The following POMP variants were observed in gnomAD, a reference collection of about 807,000 sequenced individuals.
POMP encodes proteasome maturation protein.
In POMP, 12 loss-of-function variants were observed where a neutral mutation model predicts 20.6. That is an observed-to-expected ratio of 0.58 (90% confidence interval 0.37 to 0.94). The LOEUF (loss-of-function observed/expected upper bound fraction) is 0.94. Ranked by LOEUF, POMP falls within the 40% of genes least tolerant of loss-of-function variation. The probability of loss-of-function intolerance (pLI) is 0.01; values close to 1 mark genes in which losing one functional copy is unlikely to be tolerated. For synonymous variants in POMP, 53 were observed against 55.0 expected (o/e 0.96, Z 0.16); for missense variants, 136 against 161.1 (o/e 0.84, Z 0.84).
chr13:28,665,270 A>G (rs552905243), intron 3 of POMP, among the ~76,000 whole-genome samples: 7 of 152,242 alleles, frequency 4.6e-5, no homozygotes, highest in Non-Finnish European at 1.0e-4. Flanking sequence ...CTTGGGGAAG[A>G]TGATGCAGTT....
rs1459908993 is a variant in POMP at position 28,678,638 on chromosome 13, G to T, written c.*536G>T. The T allele has an allele frequency of 6.5e-6, 1 of 153,438 alleles. No individual in the cohort carries two copies. The highest frequency in any genetic ancestry group is 1.9e-4 in the East Asian group (1 of 5,230). The allele number at this position is 153,438 out of a possible 1,614,324, so 9.5% of individuals were successfully genotyped here. On this transcript the variant is annotated 3_prime_UTR_variant, in exon 6 of 6. Coordinates refer to ENST00000380842, the MANE Select transcript of POMP (RefSeq NM_015932.6). ...GATTATTTCAGGTTGAAAAGTAGAA[G>T]TTCCAAGGTTTTGATTTTGGTCTGG...
intron 2 of POMP, 31 bp from the exon 3 acceptor site, chr13:28,664,478 T>C: frequency 6.9e-7 from 1 of 1,449,308 alleles, no homozygotes; most frequent in South Asian, 1.2e-5. Flanking sequence ...TTTAATCTCC[T>C]CTAAATGTTT....
chr13:28,659,171 C>A lies in POMP; in HGVS notation c.-14C>A, dbSNP rs376702047. ...GGTAACGGGGCAGAGAGGCTGTTCG[C>A]AGAGCTGCGGAAGATGGTGAGTGGG... On this transcript the variant is annotated 5_prime_UTR_variant, in exon 1 of 6. Transcript: ENST00000380842. 26 of 1,586,290 alleles carry A rather than the reference C, an allele frequency of 1.6e-5. No individual in the cohort carries two copies. In the African/African-American group the frequency reaches 3.5e-4, roughly 21 times the overall value.
rs775357986 is a variant in POMP at position 28,668,454 on chromosome 13, A to G, written c.163-19A>G. ...CAGAGTATTGAGTGTAATGTTTAAA[A>G]TTACATTGTCTTTTGTAGTTCCAGC... is the stretch of plus-strand genomic sequence containing the variant. On this transcript the variant is annotated intron_variant, in intron 3 of 5. Transcript: ENST00000380842. 1.3e-6 allele frequency: 2 copies of G among 1,545,672 alleles called. No individual in the cohort carries two copies. Among genetic ancestry groups the G allele is most frequent in the South Asian group, 1.1e-5 (1 of 89,700 alleles).
chr13:28,678,158 C>A lies in POMP; in HGVS notation c.*56C>A. ...CATCTTGTTTATAGTCATCTTTGTA[C>A]TGTAATTTGATGTACACAACATTAA... On this transcript the variant is annotated 3_prime_UTR_variant, in exon 6 of 6. Transcript: ENST00000380842. 5 of 1,505,616 alleles carry A rather than the reference C, an allele frequency of 3.3e-6. No homozygotes were observed. In the South Asian group the frequency reaches 4.5e-5, roughly 14 times the overall value. 93.3% of individuals were successfully genotyped at this position (1,505,616 alleles called of 1,614,324 possible). A position where few individuals can be genotyped will look rare whatever the true frequency, so the allele number is the denominator to read the frequency against.
At position 28,678,142 on chromosome 13, in the gene POMP, T is replaced by A. The variant is rs1373873446; in HGVS notation, c.*40T>A. 6 of 1,558,682 alleles carry A rather than the reference T, an allele frequency of 3.8e-6. No individual in the cohort carries two copies. The highest frequency in any genetic ancestry group is 5.3e-6 in the Non-Finnish European group (6 of 1,129,830). On this transcript the variant is annotated 3_prime_UTR_variant, in exon 6 of 6. Transcript: ENST00000380842. ...TGGAAACCGAGGGCTGCATCTTGTT[T>A]ATAGTCATCTTTGTACTGTAATTTG...
chr13:28,662,606 G>C, intron 2 of POMP, 99 bp downstream of exon 2: 1 of 1,006,910 alleles, frequency 9.9e-7, no homozygotes, highest in Non-Finnish European at 1.6e-6. Context: ...TATTTAGTTG[G>C]CAGATGGCAA....
At chr13:28,674,901 T>C (rs1440584004) in intron 5 of POMP, among the ~76,000 whole-genome samples, 1 of 151,602 alleles carries the variant, frequency 6.6e-6, no homozygotes, top group Non-Finnish European at 1.5e-5. Flanking sequence ...TAATTGGGCA[T>C]AGTGGTGTGC....
At chr13:28,672,300 G>GT (rs768027909) in intron 4 of POMP, 39 bp from the exon 5 acceptor site, 1 of 1,465,246 alleles carries the variant, frequency 6.8e-7, no homozygotes, top group African/African-American at 1.4e-5. Context: ...TTTCCCCTGA[G>GT]TTTTTTCTAA....
chr13:28,660,432 C>G (rs1884312340), intron 1 of POMP, among the ~76,000 whole-genome samples: 1 of 152,178 alleles, frequency 6.6e-6, no homozygotes, highest in Admixed American at 6.5e-5. Context: ...CGACTGTAGG[C>G]TAGTGTAAGT....
At chr13:28,675,536 G>A (rs1457354477) in intron 5 of POMP, among the ~76,000 whole-genome samples, 1 of 152,060 alleles carries the variant, frequency 6.6e-6, no homozygotes, top group Non-Finnish European at 1.5e-5. Context: ...CATAATATAC[G>A]GTTAACTTAG....
rs550484205 is a variant in POMP at position 28,659,152 on chromosome 13, G to C, written c.-33G>C. 10 of 1,579,126 alleles carry C rather than the reference G, an allele frequency of 6.3e-6. No individual in the cohort carries two copies. In the East Asian group the frequency reaches 1.4e-4, roughly 22 times the overall value. On this transcript the variant is annotated 5_prime_UTR_variant, in exon 1 of 6. Transcript: ENST00000380842. ...AGCGGCGGGGTCGACTGACGGTAAC[G>C]GGGCAGAGAGGCTGTTCGCAGAGCT...
rs903600240 is a variant in POMP, at chr13:28,678,461, A to G, written c.*359A>G. 1 of 239,116 alleles carries G rather than the reference A, an allele frequency of 4.2e-6. No homozygotes were observed. The highest frequency in any genetic ancestry group is 5.3e-5 in the South Asian group (1 of 18,692). 14.8% of individuals were successfully genotyped at this position (239,116 alleles called of 1,614,324 possible). A position where few individuals can be genotyped will look rare whatever the true frequency, so the allele number is the denominator to read the frequency against. On this transcript the variant is annotated 3_prime_UTR_variant, in exon 6 of 6. Coordinates refer to ENST00000380842, the MANE Select transcript of POMP (RefSeq NM_015932.6). ...ATAAGCATTTGAGTCTATAAACTTTATAGTAGCATCTTTCAGAATAAACAT... is the reference window on the plus strand; with the variant it reads ...ATAAGCATTTGAGTCTATAAACTTTGTAGTAGCATCTTTCAGAATAAACAT...
chr13:28,678,349 T>A lies in POMP; in HGVS notation c.*247T>A, dbSNP rs1884663870. 2.2e-6 allele frequency: 1 copy of A among 464,224 alleles called. No individual in the cohort carries two copies. The highest frequency in any genetic ancestry group is 3.7e-5 in the Admixed American group (1 of 27,134). 28.8% of individuals were successfully genotyped at this position (464,224 alleles called of 1,614,324 possible). A position where few individuals can be genotyped will look rare whatever the true frequency, so the allele number is the denominator to read the frequency against. On this transcript the variant is annotated 3_prime_UTR_variant, in exon 6 of 6. Coordinates refer to ENST00000380842, the MANE Select transcript of POMP (RefSeq NM_015932.6). ...GTAGCCTTTGTCTTTAAAAAAGTTG[T>A]TGCTCATGAATATTATAAAATGATC...
intron 5 of POMP, among the ~76,000 whole-genome samples, chr13:28,675,416 G>C (rs1312088126): frequency 6.6e-6 from 1 of 152,176 alleles, no homozygotes; most frequent in Non-Finnish European, 1.5e-5. Context: ...TGGGATTACA[G>C]GCGTGAGCCA....
In POMP at chr13:28,675,291, C is replaced by T. The variant is rs539807722; in HGVS notation, c.359-2744C>T. 8.4e-4 allele frequency among the ~76,000 whole-genome samples: 128 copies of T among 152,168 alleles called. 1 individual carries two copies. Among genetic ancestry groups the T allele is most frequent in the Admixed American group, 3.0e-3 (46 of 15,292 alleles). On this transcript the variant is annotated intron_variant, in intron 5 of 5. Transcript: ENST00000380842. Reference sequence around the variant, plus strand: ...AGGTAGCTGGGATTACAGGTGCCCACGACCACACCTGCCTAATTTTGTATT... The same window carrying T: ...AGGTAGCTGGGATTACAGGTGCCCATGACCACACCTGCCTAATTTTGTATT...
chr13:28,673,216 A>G (rs1771186), intron 5 of POMP, among the ~76,000 whole-genome samples: 6,731 of 151,796 alleles, frequency 0.044, 505 homozygotes, highest in African/African-American at 0.15. Flanking sequence ...GATTACAGGC[A>G]CCCATCACCA....
chr13:28,659,278 TGGCGGC>T, intron 1 of POMP, 91 bp downstream of exon 1: 2 of 1,530,396 alleles, frequency 1.3e-6, no homozygotes, highest in Middle Eastern at 2.0e-4. Context: ...CCGTCCCCGG[TGGCGGC>T]GGCGGCGGCA....
At chr13:28,668,358 C>A in intron 3 of POMP, 115 bp from the exon 4 acceptor site, 1 of 718,298 alleles carries the variant, frequency 1.4e-6, no homozygotes, top group Non-Finnish European at 2.4e-6. Flanking sequence ...GTTTTTATTA[C>A]AGGTATGGAT....
Sources: gnomAD v4.1 joint callset for allele counts (sites outside exome capture counted in the v4.1 genomes callset) on GRCh38, gnomAD v4.1.1 for gene constraint, MANE v1.5 for transcripts, NCBI Gene and HGNC (gene_info 2026-07-23, HGNC 2026-07-21) for gene names.